DOP1B: variants seen among roughly 807,000 people sequenced by gnomAD.
The protein encoded by DOP1B is DOP1 leucine zipper like protein B, also known as protein DOP1B.
In DOP1B, 174 loss-of-function variants were observed where a neutral mutation model predicts 233.5. The observed-to-expected ratio is 0.75, with a 90% CI of 0.66 to 0.85. The LOEUF (loss-of-function observed/expected upper bound fraction) is 0.85, where lower values mean the gene tolerates loss of function less well. DOP1B is among the 40% of genes least tolerant of loss of function. The probability of loss-of-function intolerance (pLI) is 0.00; values close to 1 mark genes in which losing one functional copy is unlikely to be tolerated. For missense variants in DOP1B, 2,652 were observed against 2,846.6 expected (o/e 0.93, Z 1.56); for synonymous variants, 1,190 against 1,185.6 (o/e 1.00, Z -0.08).
At chr21:36,260,804 T>G in intron 24 of DOP1B, 72 bp downstream of exon 24, 1 of 1,587,994 alleles carries the variant, frequency 6.3e-7, no homozygotes, top group Non-Finnish European at 8.5e-7. Flanking sequence ...GCATAATAAA[T>G]ATCTGGTTTT....
chr21:36,284,329 GGT>G (rs2067457230), intron 32 of DOP1B, among the ~76,000 whole-genome samples: 2 of 135,844 alleles, frequency 1.5e-5, no homozygotes, highest in African/African-American at 2.8e-5. Context: ...GGAGTGCAGT[GGT>G]GCAATCTCTG....
chr21:36,261,000 G>C (rs2067163215), intron 24 of DOP1B: 33 of 1,195,376 alleles, frequency 2.8e-5, no homozygotes, highest in Non-Finnish European at 3.3e-5. Context: ...AAAAGGCTTG[G>C]ATTTGCATTA....
intron 23 of DOP1B, among the ~76,000 whole-genome samples, chr21:36,254,517 G>A (rs1266610668): frequency 6.6e-6 from 1 of 152,012 alleles, no homozygotes; most frequent in Non-Finnish European, 1.5e-5. Flanking sequence ...TTGCTAACTG[G>A]GGCTTATCCA....
chr21:36,174,155 A>G (rs1048281045), intron 2 of DOP1B, among the ~76,000 whole-genome samples: 4 of 152,184 alleles, frequency 2.6e-5, no homozygotes, highest in Admixed American at 1.3e-4. Context: ...GAACTACTCC[A>G]GCCCTTTACA....
chr21:36,267,221 C>T (rs545855658), intron 26 of DOP1B, among the ~76,000 whole-genome samples: 18 of 152,330 alleles, frequency 1.2e-4, no homozygotes, highest in South Asian at 4.1e-4. Context: ...TGATCATACT[C>T]CTGAGAGTGG....
chr21:36,273,784 C>G (rs1375414540), intron 27 of DOP1B, among the ~76,000 whole-genome samples: 1 of 151,908 alleles, frequency 6.6e-6, no homozygotes, highest in Non-Finnish European at 1.5e-5. Flanking sequence ...TGGTAGAAAG[C>G]ACACTAAGGG....
chr21:36,165,478 C>T (rs368536349), intron 2 of DOP1B, among the ~76,000 whole-genome samples: 7 of 152,008 alleles, frequency 4.6e-5, no homozygotes, highest in African/African-American at 1.4e-4. Flanking sequence ...ACTGGTCACA[C>T]GTGGGCTTGA....
At chr21:36,212,736 C>T (rs919428843) in intron 7 of DOP1B, among the ~76,000 whole-genome samples, 4 of 152,318 alleles carry the variant, frequency 2.6e-5, no homozygotes, top group East Asian at 1.9e-4. Flanking sequence ...GTATACAAAA[C>T]GATTGTGACA....
intron 31 of DOP1B, 88 bp downstream of exon 31, chr21:36,280,434 C>A: frequency 1.1e-6 from 1 of 919,208 alleles, no homozygotes; most frequent in Non-Finnish European, 1.7e-6. Context: ...CCGAACCCTA[C>A]TCACACTTTC....
rs753824199 is a variant in DOP1B, at chr21:36,246,584, G to A, written c.4604G>A (p.Gly1535Asp). 2 of 1,614,156 alleles carry A rather than the reference G, an allele frequency of 1.2e-6. No homozygotes were observed. Among genetic ancestry groups the A allele is most frequent in the Non-Finnish European group, 1.7e-6 (2 of 1,180,038 alleles). The change falls in exon 19 of 37, where the codon GGC (glycine) becomes GAC (aspartate). Residue 1535 changes from glycine to aspartate, a missense_variant. Transcript: ENST00000691173. The surrounding 1 kb of genome is among the most constrained non-coding windows in gnomAD (Gnocchi z 5.1). ...TTGCCCTACTTCGGAAAGTCCCTGGGCTGGACGGTGACACCCTTTGTTGTC... is the reference window on the plus strand; with the variant it reads ...TTGCCCTACTTCGGAAAGTCCCTGGACTGGACGGTGACACCCTTTGTTGTC... Reference protein sequence around the residue: ...HSLPYFGKSLGWTVTPFVVQI... With the variant: ...HSLPYFGKSLDWTVTPFVVQI...
intron 9 of DOP1B, among the ~76,000 whole-genome samples, chr21:36,217,812 A>G (rs1305529328): frequency 1.3e-5 from 2 of 152,214 alleles, no homozygotes; most frequent in Admixed American, 1.3e-4. Flanking sequence ...ACACTTATAT[A>G]AATGTATTGG....
chr21:36,158,212 G>C (rs920360285), intron 1 of DOP1B, among the ~76,000 whole-genome samples: 2 of 152,138 alleles, frequency 1.3e-5, no homozygotes, highest in African/African-American at 4.8e-5. Context: ...ACTTCTTTCT[G>C]TGTCTAGTTA....
chr21:36,198,430 C>CA (rs374202097), intron 2 of DOP1B, among the ~76,000 whole-genome samples: 4,421 of 130,366 alleles, frequency 0.034, 205 homozygotes, highest in African/African-American at 0.11. Flanking sequence ...CTGCATCTCA[C>CA]AAAAAAAAAA....
At chr21:36,228,648 C>T (rs948069087) in intron 13 of DOP1B, among the ~76,000 whole-genome samples, 12 of 151,714 alleles carry the variant, frequency 7.9e-5, no homozygotes, top group African/African-American at 2.9e-4. Flanking sequence ...CGCCTGTAGT[C>T]CCAGCTACTC....
chr21:36,203,143 T>C (rs79159014), intron 4 of DOP1B, among the ~76,000 whole-genome samples: 1 of 152,246 alleles, frequency 6.6e-6, no homozygotes, highest in African/African-American at 2.4e-5. Context: ...TGATTTTTTT[T>C]CTGAATATTG....
intron 2 of DOP1B, among the ~76,000 whole-genome samples, chr21:36,192,681 G>GCC (rs2066246088): frequency 6.7e-6 from 1 of 148,360 alleles, no homozygotes; most frequent in African/African-American, 2.5e-5. Flanking sequence ...ACTATGCCCA[G>GCC]CCACTTTCAT....
chr21:36,175,277 A>G (rs545126751), intron 2 of DOP1B, among the ~76,000 whole-genome samples: 1 of 151,818 alleles, frequency 6.6e-6, no homozygotes, highest in African/African-American at 2.4e-5. Flanking sequence ...CAGCCAGCTA[A>G]TTTTTGTATT....
chr21:36,221,359 G>A (rs531637851), intron 10 of DOP1B, among the ~76,000 whole-genome samples: 18 of 151,702 alleles, frequency 1.2e-4, no homozygotes, highest in Admixed American at 3.9e-4. Context: ...GCCGGGTGTG[G>A]TGGGCCATGC....
At chr21:36,288,321 A>G (rs1183145052) in intron 33 of DOP1B, among the ~76,000 whole-genome samples, 171 bp downstream of exon 33, 1 of 152,142 alleles carries the variant, frequency 6.6e-6, no homozygotes, top group Non-Finnish European at 1.5e-5. Context: ...TTACTCTATG[A>G]TCATATTTGA....
Sources: gnomAD v4.1 joint callset for allele counts (sites outside exome capture counted in the v4.1 genomes callset) on GRCh38, gnomAD v4.1.1 for gene constraint, Gnocchi (gnomAD v3.1) non-coding constraint, MANE v1.5 for transcripts, NCBI Gene and HGNC (gene_info 2026-07-23, HGNC 2026-07-21) for gene names.